The following EHMT2 variants were observed in gnomAD, a reference collection of about 807,000 sequenced individuals.
EHMT2 encodes euchromatic histone lysine methyltransferase 2, also known as histone-lysine N-methyltransferase EHMT2.
Under a neutral mutation model 143.3 loss-of-function variants are expected in EHMT2, and 59 were observed. That is an observed-to-expected ratio of 0.41 (90% CI 0.33 to 0.51). The LOEUF (loss-of-function observed/expected upper bound fraction) is 0.51, where lower values mean the gene tolerates loss of function less well. EHMT2 is among the 20% of genes least tolerant of loss of function. The pLI, the probability that EHMT2 is intolerant of heterozygous loss-of-function variation, is 0.18. For missense variants in EHMT2, 1,174 were observed against 1,645.9 expected (o/e 0.71, Z 4.96); for synonymous variants, 604 against 651.5 (o/e 0.93, Z 1.11).
chr6:31,892,794 T>C, intron 5 of EHMT2, 32 bp downstream of exon 5: 1 of 1,611,944 alleles, frequency 6.2e-7, no homozygotes, highest in Non-Finnish European at 8.5e-7. Flanking sequence ...ACAGACCACA[T>C]CAAGCCACCG....
At chr6:31,882,260 G>C (rs541712325) in intron 25 of EHMT2, among the ~76,000 whole-genome samples, 1 of 152,158 alleles carries the variant, frequency 6.6e-6, no homozygotes, top group Non-Finnish European at 1.5e-5. Flanking sequence ...GAGGTGGACA[G>C]ATAGGTAGCT....
rs1302114808 is a variant in EHMT2 at position 31,897,248 on chromosome 6, G to A, written c.43-259C>T. 9.8e-5 allele frequency: 104 copies of A among 1,062,686 alleles called. 1 individual carries two copies. In the Middle Eastern group the frequency reaches 5.9e-3, roughly 61 times the overall value. 65.8% of individuals were successfully genotyped at this position (1,062,686 alleles called of 1,614,324 possible). Reference sequence around the variant, plus strand: ...GAGGGGGAGGGGGCGGGGCCTCCGCGCCCCGGCCCCGCCCCCTCCTCCCGG... The same window carrying A: ...GAGGGGGAGGGGGCGGGGCCTCCGCACCCCGGCCCCGCCCCCTCCTCCCGG... On this transcript the variant is annotated intron_variant, in intron 1 of 27. Coordinates refer to ENST00000375537, the Ensembl canonical transcript of EHMT2.
chr6:31,891,118 T>C (rs982247909), intron 7 of EHMT2, among the ~76,000 whole-genome samples: 17 of 151,944 alleles, frequency 1.1e-4, no homozygotes, highest in African/African-American at 4.1e-4. Flanking sequence ...AATTTTGTAT[T>C]TTTTTCAGTA....
Position 31,880,020 on chromosome 6 carries a change from T to C in EHMT2, c.*64A>G. 6.4e-7 allele frequency: 1 copy of C among 1,562,874 alleles called. No individual in the cohort carries two copies. The highest frequency in any genetic ancestry group is 8.7e-7 in the Non-Finnish European group (1 of 1,145,944). On this transcript the variant is annotated 3_prime_UTR_variant, in exon 28 of 28. Transcript: ENST00000375537. This position sits in a 1 kb window ranked among gnomAD's most constrained non-coding sequence, Gnocchi z 6.6. ...CCCCCAGGCATGGGCTGCGAGCAGCTGGTGGCAGAGGAGGCGGCTGAGCTG... is the reference window on the plus strand; with the variant it reads ...CCCCCAGGCATGGGCTGCGAGCAGCCGGTGGCAGAGGAGGCGGCTGAGCTG...
intron 7 of EHMT2, among the ~76,000 whole-genome samples, chr6:31,890,969 T>C (rs1327498885): frequency 2.0e-5 from 3 of 149,474 alleles, no homozygotes; most frequent in Non-Finnish European, 4.5e-5. Flanking sequence ...TGAGACGGAG[T>C]TTCGCTCTTG....
intron 18 of EHMT2, 123 bp downstream of exon 18, chr6:31,886,458 G>C: frequency 1.4e-6 from 1 of 716,812 alleles, no homozygotes; most frequent in Non-Finnish European, 2.3e-6. Context: ...GAAGAAGAAA[G>C]CAATGAGGAC....
intron 25 of EHMT2, 38 bp downstream of exon 25, chr6:31,882,661 C>T (rs1764264603): frequency 5.7e-6 from 9 of 1,590,040 alleles, no homozygotes; most frequent in Non-Finnish European, 7.7e-6. Flanking sequence ...CCATGTATCC[C>T]CTTCCCACCA....
chr6:31,888,130 G>A lies in EHMT2; in HGVS notation c.1656C>T (p.Asp552=), dbSNP rs547985022. ...CAGTGCCGGCCGGTGGGGTCACCCC[G>A]TCACCCCGGGGGATGGTCACCTCTT... Residue 552 remains aspartate, a synonymous_variant, in exon 13 of 28, where the codon GAC becomes GAT. Transcript: ENST00000375537. The surrounding 1 kb of genome is among the most constrained non-coding windows in gnomAD (Gnocchi z 7.4). 1.2e-5 allele frequency: 19 copies of A among 1,612,376 alleles called. No homozygotes were observed. The highest frequency in any genetic ancestry group is 6.7e-5 in the East Asian group (3 of 44,856).
chr6:31,896,529 C>A lies in EHMT2; in HGVS notation c.329-13G>T. 2 of 1,611,332 alleles carry A rather than the reference C, an allele frequency of 1.2e-6. No homozygotes were observed. Among genetic ancestry groups the A allele is most frequent in the Non-Finnish European group, 1.7e-6 (2 of 1,179,064 alleles). On this transcript the variant is annotated splice_polypyrimidine_tract_variant and intron_variant, in intron 3 of 27. Transcript: ENST00000375537. ...TTTGTGGCATGGCCTAGAAAACAGG[C>A]AAGCAAAAGGCAAGATAAGAAAGAA... is the stretch of plus-strand genomic sequence containing the variant.
chr6:31,889,762 G>A lies in EHMT2; in HGVS notation c.865-160C>T, dbSNP rs1318283599. 2.0e-5 allele frequency among the ~76,000 whole-genome samples: 3 copies of A among 152,164 alleles called. No homozygotes were observed. The highest frequency in any genetic ancestry group is 6.5e-5 in the Admixed American group (1 of 15,284). ...AGACAAAGGGCCACATAAAGAGAGG[G>A]TGCATGGAATATTACACAGCAGTGA... On this transcript the variant is annotated intron_variant, in intron 7 of 27. Coordinates refer to ENST00000375537, the Ensembl canonical transcript of EHMT2. The surrounding 1 kb of genome is among the most constrained non-coding windows in gnomAD (Gnocchi z 5.1).
intron 4 of EHMT2, 73 bp from the exon 5 acceptor site, chr6:31,892,983 A>T: frequency 1.0e-6 from 1 of 1,002,516 alleles, no homozygotes; most frequent in Non-Finnish European, 1.4e-6. Flanking sequence ...CTGGAGCCCC[A>T]GGCGGGGGTG....
rs1244894595 is a variant in EHMT2, at chr6:31,889,816, T to C, written c.865-214A>G. The stretch of plus-strand genomic sequence containing the variant: ...AGTTACAGACAGCAATGTGCACAGA[T>C]CTTGGTAATGTGATATTAAGTTAAA... On this transcript the variant is annotated intron_variant, in intron 7 of 27. Coordinates refer to ENST00000375537, the Ensembl canonical transcript of EHMT2. The surrounding 1 kb of genome is among the most constrained non-coding windows in gnomAD (Gnocchi z 5.1). 2.0e-5 allele frequency among the ~76,000 whole-genome samples: 3 copies of C among 152,144 alleles called. No homozygotes were observed. The highest frequency in any genetic ancestry group is 2.9e-5 in the Non-Finnish European group (2 of 68,030).
In EHMT2 at chr6:31,889,564, C is replaced by T; in HGVS notation, c.903G>A (p.Glu301=). The change falls in exon 8 of 28, where the codon GAG becomes GAA. Residue 301 remains glutamate (E), a synonymous_variant. Coordinates refer to ENST00000375537, the Ensembl canonical transcript of EHMT2. This position sits in a 1 kb window ranked among gnomAD's most constrained non-coding sequence, Gnocchi z 5.1. ...CTTCTTCCTCCTCTTCCTCCTCCTC[C>T]TCTTCACTTAGTTGTTCAGTTAGAG... is the stretch of plus-strand genomic sequence containing the variant. 1 of 1,611,474 alleles carries T rather than the reference C, an allele frequency of 6.2e-7. No individual in the cohort carries two copies. The highest frequency in any genetic ancestry group is 8.5e-7 in the Non-Finnish European group (1 of 1,179,816).
At chr6:31,894,152 G>T (rs1023680155) in intron 4 of EHMT2, among the ~76,000 whole-genome samples, 6 of 142,010 alleles carry the variant, frequency 4.2e-5, no homozygotes, top group Non-Finnish European at 4.7e-5. Context: ...TTTTTGTTTT[G>T]TTTTTTTTTT....
chr6:31,882,386 C>G (rs530715532), intron 25 of EHMT2, among the ~76,000 whole-genome samples: 4 of 151,860 alleles, frequency 2.6e-5, no homozygotes, highest in Admixed American at 2.6e-4. Flanking sequence ...GTCTCCCAAA[C>G]TGGCACTTTC....
rs1354781159 is a variant in EHMT2, at chr6:31,884,205, C to T, written c.2771+187G>A. ...CTGTGCATCTGAAATTCCAGTTTAA[C>T]TGGGTGTCTTCTATTTTTATTTGCT... is the stretch of plus-strand genomic sequence containing the variant. On this transcript the variant is annotated intron_variant, in intron 21 of 27. Coordinates refer to ENST00000375537, the Ensembl canonical transcript of EHMT2. This position sits in a 1 kb window ranked among gnomAD's most constrained non-coding sequence, Gnocchi z 7.3. 1.3e-6 allele frequency: 1 copy of T among 741,140 alleles called. No homozygotes were observed. Among genetic ancestry groups the T allele is most frequent in the Non-Finnish European group, 2.1e-6 (1 of 469,306 alleles). 45.9% of individuals were successfully genotyped at this position (741,140 alleles called of 1,614,324 possible).
At chr6:31,887,821 C>T (rs933835014) in exon 14 of EHMT2, 1 of 1,607,814 alleles carries the variant, frequency 6.2e-7, no homozygotes, top group Non-Finnish European at 8.5e-7. Flanking sequence ...CAGGGCCTCC[C>T]GGCCTGGCCC....
Position 31,892,674 on chromosome 6 carries a change from GCTCTGCCT to G in EHMT2, c.708+12_708+19del. ...TCAGAGCAGCCCCCGAGGGGTAGAG[GCTCTGCCT>G]CTGCTGCTTACCAGGCCACCTCCTG... On this transcript the variant is annotated intron_variant, in intron 6 of 27. Transcript: ENST00000375537. 6.2e-7 allele frequency: 1 copy of G among 1,613,104 alleles called. No individual in the cohort carries two copies. The highest frequency in any genetic ancestry group is 8.5e-7 in the Non-Finnish European group (1 of 1,180,008).
rs76194925 is a variant in EHMT2, at chr6:31,889,377, C to A, written c.1000-35G>T. 22 of 1,609,804 alleles carry A rather than the reference C, an allele frequency of 1.4e-5. No individual in the cohort carries two copies. Among genetic ancestry groups the A allele is most frequent in the Non-Finnish European group, 1.9e-5 (22 of 1,178,840 alleles). ...GGGAGGAGGAGGAGTTAGGAACCCT[C>A]ACCCCCAGGGGCCCCCCCAACACCT... is the stretch of plus-strand genomic sequence containing the variant. On this transcript the variant is annotated intron_variant, in intron 8 of 27. Transcript: ENST00000375537. The surrounding 1 kb of genome is among the most constrained non-coding windows in gnomAD (Gnocchi z 5.1).
Sources: gnomAD v4.1 joint callset for allele counts (sites outside exome capture counted in the v4.1 genomes callset) on GRCh38, gnomAD v4.1.1 for gene constraint, Gnocchi (gnomAD v3.1) non-coding constraint, MANE v1.5 for transcripts, NCBI Gene and HGNC (gene_info 2026-07-23, HGNC 2026-07-21) for gene names.